CTNND2: variants seen among roughly 807,000 people sequenced by gnomAD.
CTNND2 encodes the protein catenin delta-2.
In CTNND2, 22 loss-of-function variants were observed where a neutral mutation model predicts 144.4. The observed-to-expected ratio is 0.15, with a 90% CI of 0.11 to 0.22. The LOEUF (loss-of-function observed/expected upper bound fraction) is 0.22, where lower values mean the gene tolerates loss of function less well. Ranked by LOEUF, CTNND2 falls within the 10% of genes least tolerant of loss-of-function variation. The pLI is 1.00. For missense variants in CTNND2, 1,353 were observed against 1,618.8 expected, an observed-to-expected ratio of 0.84 and a Z score of 2.82; for synonymous variants, 751 against 695.6, an observed-to-expected ratio of 1.08 and a Z score of -1.25.
intron 10 of CTNND2, among the ~76,000 whole-genome samples, chr5:11,232,807 G>A (rs370852484): frequency 5.9e-5 from 9 of 152,278 alleles, no homozygotes; most frequent in Admixed American, 2.6e-4. Flanking sequence ...GAATGATATC[G>A]TTTGGCTCTG....
At chr5:11,512,979 T>C (rs1457512404) in intron 3 of CTNND2, among the ~76,000 whole-genome samples, 4 of 152,228 alleles carry the variant, frequency 2.6e-5, no homozygotes, top group Non-Finnish European at 4.4e-5. Context: ...CTCTGCACCA[T>C]GAAACTTGCC....
At chr5:11,534,826 C>T (rs1285573034) in intron 3 of CTNND2, among the ~76,000 whole-genome samples, 1 of 152,106 alleles carries the variant, frequency 6.6e-6, no homozygotes. Flanking sequence ...GAAGACTTTG[C>T]TGACAATCCA....
intron 2 of CTNND2, among the ~76,000 whole-genome samples, chr5:11,721,932 C>T (rs1221821974): frequency 1.3e-5 from 2 of 152,118 alleles, no homozygotes; most frequent in Non-Finnish European, 2.9e-5. Context: ...ATTCTCATCA[C>T]AAGAAGGATG....
At chr5:11,451,487 C>T (rs1765313313) in intron 3 of CTNND2, among the ~76,000 whole-genome samples, 1 of 152,142 alleles carries the variant, frequency 6.6e-6, no homozygotes, top group East Asian at 1.9e-4. Context: ...CTGAAATGCT[C>T]TAAAATTTGA....
chr5:11,440,887 G>A (rs1164005474), intron 3 of CTNND2, among the ~76,000 whole-genome samples: 1 of 152,118 alleles, frequency 6.6e-6, no homozygotes, highest in Non-Finnish European at 1.5e-5. Flanking sequence ...GCTTTTATAT[G>A]CTGAGTTTAC....
intron 6 of CTNND2, among the ~76,000 whole-genome samples, chr5:11,393,460 T>G (rs1378195589): frequency 6.6e-6 from 1 of 152,204 alleles, no homozygotes; most frequent in Non-Finnish European, 1.5e-5. Context: ...AAATGCTTGG[T>G]GAAACTATTT....
chr5:11,463,854 C>CAA (rs34924245), intron 3 of CTNND2, among the ~76,000 whole-genome samples: 9,573 of 123,478 alleles, frequency 0.078, 334 homozygotes, highest in Non-Finnish European at 0.085. Context: ...GCGTCCCTTA[C>CAA]AAAAAAAAAA....
intron 9 of CTNND2, among the ~76,000 whole-genome samples, chr5:11,253,290 G>A (rs1468862699): frequency 6.6e-6 from 1 of 152,040 alleles, no homozygotes; most frequent in Non-Finnish European, 1.5e-5. Context: ...AGTTACCTGT[G>A]ATTTATTCAA....
At chr5:11,524,796 G>A (rs1356082235) in intron 3 of CTNND2, among the ~76,000 whole-genome samples, 1 of 152,012 alleles carries the variant, frequency 6.6e-6, no homozygotes, top group Non-Finnish European at 1.5e-5. Flanking sequence ...ACATTCAACT[G>A]TATACGCATC....
intron 7 of CTNND2, among the ~76,000 whole-genome samples, chr5:11,372,192 A>T (rs538532193): frequency 5.9e-5 from 9 of 152,352 alleles, no homozygotes; most frequent in African/African-American, 2.2e-4. Flanking sequence ...AATACTTTCC[A>T]GCAAAAATAA....
At chr5:11,375,097 C>T (rs1016513999) in intron 7 of CTNND2, among the ~76,000 whole-genome samples, 4 of 152,126 alleles carry the variant, frequency 2.6e-5, no homozygotes, top group Admixed American at 6.5e-5. Flanking sequence ...TAAACAGAGG[C>T]CTTTTTCCTC....
chr5:11,009,706 A>C (rs1401791580), intron 18 of CTNND2, among the ~76,000 whole-genome samples: 1 of 152,230 alleles, frequency 6.6e-6, no homozygotes, highest in East Asian at 1.9e-4. Context: ...TTATAGAGGA[A>C]GTGTTTAGTT....
intron 3 of CTNND2, among the ~76,000 whole-genome samples, chr5:11,505,015 T>C (rs1045651461): frequency 2.0e-5 from 3 of 152,020 alleles, no homozygotes; most frequent in Admixed American, 2.0e-4. Flanking sequence ...CTGCTGCACA[T>C]CCACATCAGC....
chr5:11,194,849 G>C (rs1054072913), intron 11 of CTNND2, among the ~76,000 whole-genome samples: 8 of 152,106 alleles, frequency 5.3e-5, no homozygotes, highest in African/African-American at 1.9e-4. Context: ...ACACAAAAGA[G>C]AATTCTTAGA....
At chr5:11,134,217 A>G (rs1196593272) in intron 12 of CTNND2, among the ~76,000 whole-genome samples, 1 of 152,148 alleles carries the variant, frequency 6.6e-6, no homozygotes, top group Admixed American at 6.6e-5. Flanking sequence ...GAGCCAAGGA[A>G]TATCATGCCC....
chr5:11,450,006 A>AT (rs549261510), intron 3 of CTNND2, among the ~76,000 whole-genome samples: 6 of 152,306 alleles, frequency 3.9e-5, no homozygotes, highest in Non-Finnish European at 5.9e-5. Flanking sequence ...AAGCCCCACT[A>AT]TTTTTTTAGA....
Position 11,384,185 on chromosome 5 carries a change from T to C in CTNND2, c.1177+480A>G, listed in dbSNP as rs1758804134. 6.6e-6 allele frequency among the ~76,000 whole-genome samples: 1 copy of C among 152,202 alleles called. No homozygotes were observed. The highest frequency in any genetic ancestry group is 2.1e-4 in the South Asian group (1 of 4,834). On this transcript the variant is annotated intron_variant, in intron 7 of 21. Coordinates refer to ENST00000304623, the MANE Select transcript of CTNND2 (RefSeq NM_001332.4). This position sits in a 1 kb window ranked among gnomAD's most constrained non-coding sequence, Gnocchi z 5.2. The stretch of plus-strand genomic sequence containing the variant: ...TAATTCAAGGCAATTCATTATTAAT[T>C]ATTTCCCCACTACTATTGAAAACTA...
chr5:11,357,037 C>T (rs1755961899), intron 8 of CTNND2, among the ~76,000 whole-genome samples: 3 of 151,944 alleles, frequency 2.0e-5, no homozygotes, highest in South Asian at 4.2e-4. Context: ...AAAGTGTTGG[C>T]AAGGATGTGG....
At chr5:11,373,215 C>T (rs1015537244) in intron 7 of CTNND2, among the ~76,000 whole-genome samples, 1 of 152,190 alleles carries the variant, frequency 6.6e-6, no homozygotes, top group African/African-American at 2.4e-5. Context: ...AGAGTCACTT[C>T]TAGTGGGGAA....
Sources: allele counts gnomAD v4.1 joint callset (sites outside exome capture counted in the v4.1 genomes callset), GRCh38; gene constraint gnomAD v4.1.1; non-coding constraint Gnocchi (gnomAD v3.1); transcripts MANE v1.5; gene names NCBI Gene and HGNC (gene_info 2026-07-23, HGNC 2026-07-21).